Variants in FRMD5 observed in about 807,000 individuals in gnomAD.
The protein encoded by FRMD5 is FERM domain containing 5.
Under a neutral mutation model 69.0 loss-of-function variants are expected in FRMD5, and 20 were observed. That is an observed-to-expected ratio of 0.29 (90% CI 0.20 to 0.42). FRMD5 has a LOEUF of 0.42. Ranked by LOEUF, FRMD5 falls within the 10% of genes least tolerant of loss-of-function variation. The pLI is 1.00. For synonymous variants in FRMD5, 271 were observed against 260.1 expected, an observed-to-expected ratio of 1.04 and a Z score of -0.40; for missense variants, 595 against 708.6, an observed-to-expected ratio of 0.84 and a Z score of 1.82.
intron 1 of FRMD5, among the ~76,000 whole-genome samples, chr15:43,926,394 T>C (rs1474462051): frequency 6.6e-6 from 1 of 152,224 alleles, no homozygotes; most frequent in East Asian, 1.9e-4. Flanking sequence ...GTAGTGGTTA[T>C]CACGTTTGTC....
At chr15:44,114,233 C>A (rs1254217243) in intron 1 of FRMD5, among the ~76,000 whole-genome samples, 2 of 152,086 alleles carry the variant, frequency 1.3e-5, no homozygotes, top group Admixed American at 6.6e-5. Flanking sequence ...AGTATTCACC[C>A]AACACTGTCC....
intron 1 of FRMD5, among the ~76,000 whole-genome samples, chr15:44,158,796 AT>A (rs1220011999): frequency 6.6e-6 from 1 of 152,218 alleles, no homozygotes; most frequent in Non-Finnish European, 1.5e-5. Flanking sequence ...GAGTCCAGTC[AT>A]TTATTCACAG....
chr15:44,099,304 G>A (rs1038622065), intron 1 of FRMD5, among the ~76,000 whole-genome samples: 2 of 152,120 alleles, frequency 1.3e-5, no homozygotes, highest in African/African-American at 4.8e-5. Context: ...GATTCAGTAG[G>A]TCTAGAGTGG....
rs79770838 is a variant in FRMD5 at position 43,905,433 on chromosome 15, G to A, written c.551+395C>T. 6.3e-3 allele frequency among the ~76,000 whole-genome samples: 962 copies of A among 151,944 alleles called. 11 individuals carry two copies. Among genetic ancestry groups the A allele is most frequent in the East Asian group, 0.058 (303 of 5,184 alleles). ...ATTACAGCCGTAAGCCACCGCGCCT[G>A]GCCTTTTTCTTTCATCTTTTTTATC... On this transcript the variant is annotated intron_variant, in intron 6 of 13. Coordinates refer to ENST00000417257, the MANE Select transcript of FRMD5 (RefSeq NM_032892.5).
At chr15:43,898,316 T>C (rs2088963540) in intron 7 of FRMD5, among the ~76,000 whole-genome samples, 1 of 152,178 alleles carries the variant, frequency 6.6e-6, no homozygotes, top group Non-Finnish European at 1.5e-5. Context: ...GCATGTTAGT[T>C]GGTTCCTTAG....
At chr15:43,920,495 AC>A (rs1280929047) in intron 2 of FRMD5, among the ~76,000 whole-genome samples, 2 of 152,238 alleles carry the variant, frequency 1.3e-5, no homozygotes, top group African/African-American at 4.8e-5. Context: ...AGGAGGCAGG[AC>A]ATAGAGGCAG....
At chr15:44,012,688 A>C (rs1369223272) in intron 1 of FRMD5, among the ~76,000 whole-genome samples, 1 of 152,134 alleles carries the variant, frequency 6.6e-6, no homozygotes, top group African/African-American at 2.4e-5. Flanking sequence ...TGCAGGGTAC[A>C]TAAGTATAAT....
intron 13 of FRMD5, among the ~76,000 whole-genome samples, chr15:43,883,075 C>A (rs931210306): frequency 6.6e-6 from 1 of 151,712 alleles, no homozygotes; most frequent in Non-Finnish European, 1.5e-5. Context: ...GGATTACAGG[C>A]GTGAGCCACT....
rs986258528 is a variant in FRMD5, at chr15:44,051,677, C to T, written c.103-127368G>A. Among the ~76,000 whole-genome samples, 4 of 152,012 alleles carry T rather than the reference C, an allele frequency of 2.6e-5. No homozygotes were observed. In the East Asian group the frequency reaches 5.8e-4, roughly 22 times the overall value. Reference sequence around the variant, plus strand: ...CATGTCTCCTTAGGCTCCTCTTGGCCGTTACTGTTTTTTAGATTTTCCTTG... The same window carrying T: ...CATGTCTCCTTAGGCTCCTCTTGGCTGTTACTGTTTTTTAGATTTTCCTTG... On this transcript the variant is annotated intron_variant, in intron 1 of 13. Coordinates refer to ENST00000417257, the MANE Select transcript of FRMD5 (RefSeq NM_032892.5).
chr15:44,148,507 A>G (rs905382261), intron 1 of FRMD5, among the ~76,000 whole-genome samples: 15 of 152,108 alleles, frequency 9.9e-5, no homozygotes, highest in East Asian at 3.9e-4. Flanking sequence ...TCCTGACCTC[A>G]TGATCCGCCC....
chr15:44,055,919 G>A (rs1043234853), intron 1 of FRMD5, among the ~76,000 whole-genome samples: 1 of 152,004 alleles, frequency 6.6e-6, no homozygotes, highest in Non-Finnish European at 1.5e-5. Context: ...TTTTCTTTGC[G>A]TGATCTTCTT....
At chr15:44,060,222 C>T (rs1460118352) in intron 1 of FRMD5, among the ~76,000 whole-genome samples, 1 of 152,202 alleles carries the variant, frequency 6.6e-6, no homozygotes, top group Non-Finnish European at 1.5e-5. Context: ...CCTAATCCAA[C>T]AAAGAGTTAC....
intron 1 of FRMD5, among the ~76,000 whole-genome samples, chr15:44,130,424 T>G (rs2140417820): frequency 6.6e-6 from 1 of 152,270 alleles, no homozygotes. Context: ...AACTTCCAAG[T>G]GAGACACCTG....
At chr15:43,988,097 G>A (rs1195180214) in intron 1 of FRMD5, among the ~76,000 whole-genome samples, 1 of 152,136 alleles carries the variant, frequency 6.6e-6, no homozygotes, top group Non-Finnish European at 1.5e-5. Flanking sequence ...CTGACAGGAG[G>A]TGGAACTCAG....
intron 1 of FRMD5, among the ~76,000 whole-genome samples, chr15:44,152,561 T>G (rs1048686123): frequency 6.6e-6 from 1 of 152,210 alleles, no homozygotes; most frequent in Non-Finnish European, 1.5e-5. Flanking sequence ...CCTCAGTAAA[T>G]GGGAAAAAGC....
At chr15:44,161,178 G>T (rs2140499529) in intron 1 of FRMD5, among the ~76,000 whole-genome samples, 1 of 152,166 alleles carries the variant, frequency 6.6e-6, no homozygotes, top group Admixed American at 6.5e-5. Context: ...TGCTCATGTT[G>T]TTCCTTCCAC....
chr15:43,912,788 T>G lies in FRMD5; in HGVS notation c.330-2809A>C, dbSNP rs1052048544. 4.1e-5 allele frequency among the ~76,000 whole-genome samples: 6 copies of G among 145,088 alleles called. No homozygotes were observed. In the South Asian group the frequency reaches 1.3e-3, roughly 32 times the overall value. ...ATCCCAGCACTTTGGGAGGTCGAGG[T>G]GGGTGGATCACCTGAGGTCAAGAGT... On this transcript the variant is annotated intron_variant, in intron 4 of 13. Coordinates refer to ENST00000417257, the MANE Select transcript of FRMD5 (RefSeq NM_032892.5).
At chr15:44,122,442 T>C (rs1273211230) in intron 1 of FRMD5, among the ~76,000 whole-genome samples, 2 of 152,010 alleles carry the variant, frequency 1.3e-5, no homozygotes, top group Non-Finnish European at 2.9e-5. Context: ...GGTGCATGCC[T>C]GTAGTCCCAG....
intron 1 of FRMD5, among the ~76,000 whole-genome samples, chr15:43,938,188 G>T (rs1369407660): frequency 7.4e-6 from 1 of 135,454 alleles, no homozygotes; most frequent in Non-Finnish European, 1.5e-5. Context: ...CCGAGATCGC[G>T]CCACTGGCAA....
Sources: allele counts gnomAD v4.1 joint callset (sites outside exome capture counted in the v4.1 genomes callset), GRCh38; gene constraint gnomAD v4.1.1; transcripts MANE v1.5; gene names NCBI Gene and HGNC (gene_info 2026-07-23, HGNC 2026-07-21).